Variants in WDR27 observed in about 807,000 individuals in gnomAD.
WDR27 encodes the protein WD repeat domain 27.
Under a neutral mutation model 114.4 loss-of-function variants are expected in WDR27, and 100 were observed. The ratio of observed to expected loss-of-function variants is 0.87; its 90% CI spans 0.74 to 1.03. WDR27 has a LOEUF of 1.03. Ranked by LOEUF, WDR27 falls within the 50% of genes least tolerant of loss-of-function variation. The pLI, the probability that WDR27 is intolerant of heterozygous loss-of-function variation, is 0.00. For missense variants in WDR27, 1,129 were observed against 1,092.9 expected, an observed-to-expected ratio of 1.03 and a Z score of -0.47; for synonymous variants, 449 against 423.1, an observed-to-expected ratio of 1.06 and a Z score of -0.75.
At chr6:169,558,655 A>G (rs1799246060) in intron 25 of WDR27, 1 of 152,244 alleles carries the variant, frequency 6.6e-6, no homozygotes, top group African/African-American at 2.4e-5. Flanking sequence ...GGAAAAGCCA[A>G]GCTTGCAGGC....
chr6:169,491,515 G>C (rs1789757291), intron 25 of WDR27, among the ~76,000 whole-genome samples: 1 of 151,806 alleles, frequency 6.6e-6, no homozygotes, highest in Non-Finnish European at 1.5e-5. Flanking sequence ...AAATATAAGA[G>C]AAGAAATAAA....
At chr6:169,617,510 G>A (rs1028537463) in intron 21 of WDR27, among the ~76,000 whole-genome samples, 1 of 152,264 alleles carries the variant, frequency 6.6e-6, no homozygotes, top group Non-Finnish European at 1.5e-5. Flanking sequence ...CAAGTGGTTA[G>A]GATTACAAGG....
At chr6:169,603,495 A>T (rs1213168621) in intron 22 of WDR27, among the ~76,000 whole-genome samples, 1 of 152,232 alleles carries the variant, frequency 6.6e-6, no homozygotes, top group Non-Finnish European at 1.5e-5. Context: ...GTACTGTGGC[A>T]CATATACTGC....
intron 25 of WDR27, among the ~76,000 whole-genome samples, chr6:169,502,829 C>T (rs1387143047): frequency 6.6e-6 from 1 of 152,140 alleles, no homozygotes; most frequent in African/African-American, 2.4e-5. Context: ...TCCAGGACCA[C>T]GGTTTTCCTC....
At chr6:169,594,871 T>A (rs142068665) in intron 23 of WDR27, among the ~76,000 whole-genome samples, 367 of 152,370 alleles carry the variant, frequency 2.4e-3, no homozygotes, top group Admixed American at 5.0e-3. Flanking sequence ...GTTTTTTTCT[T>A]TTTTTCCTTA....
intron 23 of WDR27, among the ~76,000 whole-genome samples, chr6:169,601,288 T>C (rs1807927519): frequency 6.6e-6 from 1 of 152,194 alleles, no homozygotes; most frequent in Non-Finnish European, 1.5e-5. Flanking sequence ...CACCAGGTCT[T>C]GAAGTTATTT....
At chr6:169,442,793 C>T in the WDR27 span, among the ~76,000 whole-genome samples, 1 of 152,194 alleles carries the variant, frequency 6.6e-6, no homozygotes, top group Non-Finnish European at 1.5e-5. Flanking sequence ...GTTGTCCTGT[C>T]CTGACGGATG....
intron 25 of WDR27, among the ~76,000 whole-genome samples, chr6:169,512,471 G>A (rs1016558277): frequency 6.6e-6 from 1 of 152,088 alleles, no homozygotes; most frequent in African/African-American, 2.4e-5. Context: ...GAAATACAAC[G>A]ATAAGCCCAA....
chr6:169,437,732 T>C, the WDR27 span, among the ~76,000 whole-genome samples: 1 of 152,190 alleles, frequency 6.6e-6, no homozygotes, highest in Non-Finnish European at 1.5e-5. Context: ...TTTTATGTCA[T>C]TAATATAATC....
At chr6:169,520,458 G>A (rs1794229258) in intron 25 of WDR27, among the ~76,000 whole-genome samples, 1 of 152,008 alleles carries the variant, frequency 6.6e-6, no homozygotes, top group Non-Finnish European at 1.5e-5. Flanking sequence ...GAGAATACTG[G>A]AATAAATAAT....
chr6:169,516,657 A>G (rs1007365326), intron 25 of WDR27, among the ~76,000 whole-genome samples: 4 of 152,088 alleles, frequency 2.6e-5, no homozygotes, highest in African/African-American at 9.7e-5. Context: ...CTGGAAATCT[A>G]GAAGGTCATG....
intron 25 of WDR27, among the ~76,000 whole-genome samples, chr6:169,541,969 A>C (rs991745901): frequency 4.6e-5 from 7 of 152,200 alleles, no homozygotes; most frequent in Non-Finnish European, 8.8e-5. Flanking sequence ...TTCTGAAGAC[A>C]AACTGTTGTT....
intron 22 of WDR27, among the ~76,000 whole-genome samples, chr6:169,611,305 A>AC (rs1491198282): frequency 1.1e-5 from 1 of 90,856 alleles, no homozygotes; most frequent in Non-Finnish European, 2.0e-5. Context: ...TTTTTTACTT[A>AC]CTTTTTTTTT....
Position 169,580,946 on chromosome 6 carries a change from T to C in WDR27, c.2523+1890A>G, listed in dbSNP as rs9383470. Among the ~76,000 whole-genome samples the C allele has an allele frequency of 5.7e-5, 5 of 87,184 alleles. No homozygotes were observed. In the South Asian group the frequency reaches 2.1e-3, roughly 36 times the overall value. 57.2% of individuals were successfully genotyped at this position (87,184 alleles called of 152,430 possible). On this transcript the variant is annotated intron_variant, in intron 24 of 25. Coordinates refer to ENST00000448612, the MANE Select transcript of WDR27 (RefSeq NM_182552.5). ...ACTTAGTGAATTTTATATATATATA[T>C]ATATATACATATATATATATATAAA...
intron 25 of WDR27, among the ~76,000 whole-genome samples, chr6:169,496,038 C>T (rs1790362044): frequency 1.3e-5 from 2 of 151,930 alleles, no homozygotes; most frequent in South Asian, 4.2e-4. Flanking sequence ...GCAAACAGAA[C>T]TTAACAGCAT....
chr6:169,640,421 AC>A (rs1483387163), intron 17 of WDR27, among the ~76,000 whole-genome samples: 4 of 152,026 alleles, frequency 2.6e-5, no homozygotes, highest in Non-Finnish European at 4.4e-5. Context: ...GCGCAGAAAA[AC>A]GTGAAATAGC....
At chr6:169,511,332 G>A (rs573448789) in intron 25 of WDR27, among the ~76,000 whole-genome samples, 114 of 152,162 alleles carry the variant, frequency 7.5e-4, no homozygotes, top group African/African-American at 2.6e-3. Context: ...AATACTTATG[G>A]ATTTGTATGT....
intron 1 of WDR27, among the ~76,000 whole-genome samples, chr6:169,698,040 C>A (rs146906731): frequency 6.6e-6 from 1 of 152,180 alleles, no homozygotes; most frequent in Admixed American, 6.5e-5. Flanking sequence ...AACACCATGA[C>A]TCACTAGTAT....
intron 2 of WDR27, among the ~76,000 whole-genome samples, chr6:169,681,108 C>A (rs779786037): frequency 1.3e-5 from 2 of 152,080 alleles, no homozygotes; most frequent in African/African-American, 4.8e-5. Context: ...GTGTTACTTG[C>A]AATAGTCAAA....
Sources: allele counts gnomAD v4.1 joint callset (sites outside exome capture counted in the v4.1 genomes callset), GRCh38; gene constraint gnomAD v4.1.1; transcripts MANE v1.5; gene names NCBI Gene and HGNC (gene_info 2026-07-23, HGNC 2026-07-21).